TSHZ2: variants seen among roughly 807,000 people sequenced by gnomAD.
TSHZ2 encodes teashirt zinc finger homeobox 2.
A neutral mutation model predicts 74.4 loss-of-function variants in TSHZ2; 21 were observed. The observed-to-expected ratio is 0.28, with a 90% confidence interval of 0.20 to 0.41. The LOEUF (loss-of-function observed/expected upper bound fraction) is 0.41, where lower values mean the gene tolerates loss of function less well. Ranked by LOEUF, TSHZ2 falls within the 10% of genes least tolerant of loss-of-function variation. The pLI is 1.00. For missense variants in TSHZ2, 1,244 were observed against 1,293.5 expected, an observed-to-expected ratio of 0.96 and a Z score of 0.59; for synonymous variants, 540 against 515.3, an observed-to-expected ratio of 1.05 and a Z score of -0.65.
At chr20:52,997,689 C>T (rs939701028) in intron 1 of TSHZ2, among the ~76,000 whole-genome samples, 1 of 152,208 alleles carries the variant, frequency 6.6e-6, no homozygotes, top group Non-Finnish European at 1.5e-5. Context: ...CCAGGCGATG[C>T]CACCTAGAAC....
chr20:53,283,510 A>G (rs1991104020), intron 2 of TSHZ2, among the ~76,000 whole-genome samples: 3 of 152,216 alleles, frequency 2.0e-5, no homozygotes, highest in Non-Finnish European at 4.4e-5. Flanking sequence ...TGGAGCTTGG[A>G]TTTAAACCCC....
intron 1 of TSHZ2, among the ~76,000 whole-genome samples, chr20:53,244,893 G>A (rs923043878): frequency 6.6e-6 from 1 of 152,198 alleles, no homozygotes; most frequent in Non-Finnish European, 1.5e-5. Context: ...ACCCCAAACT[G>A]GAGGAAGCTC....
At chr20:53,309,216 C>T (rs547313676) in intron 2 of TSHZ2, among the ~76,000 whole-genome samples, 16 of 152,312 alleles carry the variant, frequency 1.1e-4, no homozygotes, top group Non-Finnish European at 1.6e-4. Flanking sequence ...ATTCAAAGAA[C>T]GACTGCCCTG....
chr20:53,196,637 G>C (rs924587279), intron 1 of TSHZ2: 1 of 152,182 alleles, frequency 6.6e-6, no homozygotes, highest in African/African-American at 2.4e-5. Context: ...CTTGTCGGAA[G>C]CATTTAGAAT....
At chr20:53,198,096 G>A (rs1988916884) in intron 1 of TSHZ2, 1 of 152,192 alleles carries the variant, frequency 6.6e-6, no homozygotes, top group African/African-American at 2.4e-5. Context: ...GAGTCTTCTA[G>A]GGCAGGAAAT....
At chr20:52,982,302 G>A (rs1367921681) in intron 1 of TSHZ2, among the ~76,000 whole-genome samples, 2 of 152,236 alleles carry the variant, frequency 1.3e-5, no homozygotes, top group South Asian at 2.1e-4. Flanking sequence ...TATTATGATC[G>A]TTTATCTAGA....
chr20:53,391,865 C>A (rs990138149), intron 2 of TSHZ2, among the ~76,000 whole-genome samples: 1 of 152,132 alleles, frequency 6.6e-6, no homozygotes, highest in African/African-American at 2.4e-5. Context: ...ATTACTTGAA[C>A]CTGGGAGGCA....
intron 1 of TSHZ2, among the ~76,000 whole-genome samples, chr20:53,019,199 T>C (rs1405010961): frequency 6.6e-6 from 1 of 152,038 alleles, no homozygotes; most frequent in African/African-American, 2.4e-5. Context: ...ACAGATCTGG[T>C]ATGTTCCTCC....
chr20:53,189,802 G>A (rs1027356912), intron 1 of TSHZ2, among the ~76,000 whole-genome samples: 2 of 151,688 alleles, frequency 1.3e-5, no homozygotes, highest in African/African-American at 4.8e-5. Context: ...TAAATGTCTG[G>A]GCCAGACACA....
intron 2 of TSHZ2, among the ~76,000 whole-genome samples, chr20:53,420,733 A>T (rs1402031162): frequency 1.3e-5 from 2 of 152,156 alleles, no homozygotes; most frequent in Non-Finnish European, 2.9e-5. Context: ...ACTGCACTCT[A>T]GCCTGGGCGA....
intron 1 of TSHZ2, among the ~76,000 whole-genome samples, chr20:53,166,401 T>C (rs1988064183): frequency 6.6e-6 from 1 of 152,078 alleles, no homozygotes; most frequent in African/African-American, 2.4e-5. Context: ...GAGGATTTCT[T>C]GAGGCCAGGA....
In TSHZ2 at chr20:53,338,776, T is replaced by A. The variant is rs538277441; in HGVS notation, c.*8+82205T>A. On this transcript the variant is annotated intron_variant, in intron 2 of 2. Coordinates refer to ENST00000371497, the MANE Select transcript of TSHZ2 (RefSeq NM_173485.6). ...AGTACTCAGCTCCAAATGTCAGGAG[T>A]ACTCAGCTCCAAATGTCAGGAGTAC... Among the ~76,000 whole-genome samples the A allele has an allele frequency of 2.6e-5, 4 of 152,094 alleles. No homozygotes were observed. The South Asian group carries it at 8.3e-4, about 32-fold the overall frequency.
chr20:53,111,439 C>T (rs1339787163), intron 1 of TSHZ2, among the ~76,000 whole-genome samples: 3 of 152,174 alleles, frequency 2.0e-5, no homozygotes, highest in African/African-American at 7.2e-5. Flanking sequence ...CTGTCATTCT[C>T]ATTCTGGGCC....
At chr20:53,319,459 C>T (rs955218554) in intron 2 of TSHZ2, among the ~76,000 whole-genome samples, 1 of 152,240 alleles carries the variant, frequency 6.6e-6, no homozygotes, top group Non-Finnish European at 1.5e-5. Context: ...CAAGGATTGG[C>T]CTTCAGAGTC....
chr20:53,215,607 A>C (rs2251535), intron 1 of TSHZ2, among the ~76,000 whole-genome samples: 106,224 of 150,904 alleles, frequency 0.7, 39,200 homozygotes, highest in East Asian at 0.92. Flanking sequence ...TGGCTCACAC[A>C]TGTAATCCCA....
At chr20:53,270,079 C>T (rs1990804541) in intron 2 of TSHZ2, among the ~76,000 whole-genome samples, 1 of 152,124 alleles carries the variant, frequency 6.6e-6, no homozygotes, top group Non-Finnish European at 1.5e-5. Flanking sequence ...CAGTGAAATG[C>T]ACCTGTAGAG....
At chr20:53,268,205 T>TC (rs1017715095) in intron 2 of TSHZ2, among the ~76,000 whole-genome samples, 5 of 152,150 alleles carry the variant, frequency 3.3e-5, no homozygotes, top group African/African-American at 1.2e-4. Flanking sequence ...TGTTGGAGCC[T>TC]CCAATACATT....
At chr20:53,302,368 T>A (rs1978345118) in intron 2 of TSHZ2, among the ~76,000 whole-genome samples, 1 of 152,098 alleles carries the variant, frequency 6.6e-6, no homozygotes, top group African/African-American at 2.4e-5. Flanking sequence ...TGAGACCCAT[T>A]TTGGCCTTAT....
chr20:53,084,960 C>A (rs1985652865), intron 1 of TSHZ2, among the ~76,000 whole-genome samples: 1 of 152,058 alleles, frequency 6.6e-6, no homozygotes, highest in Non-Finnish European at 1.5e-5. Flanking sequence ...GCCATGTAAC[C>A]TCACTGGGTC....
Sources: allele counts gnomAD v4.1 joint callset (sites outside exome capture counted in the v4.1 genomes callset), GRCh38; gene constraint gnomAD v4.1.1; transcripts MANE v1.5; gene names NCBI Gene and HGNC (gene_info 2026-07-23, HGNC 2026-07-21).